Variants in AEBP2 observed in about 807,000 individuals in gnomAD.
AEBP2 encodes AE binding protein 2, also known as zinc finger protein AEBP2.
A neutral mutation model predicts 50.8 loss-of-function variants in AEBP2; 10 were observed. The observed-to-expected ratio is 0.20, with a 90% CI of 0.12 to 0.33. AEBP2 has a LOEUF of 0.33. Ranked by LOEUF, AEBP2 falls within the 10% of genes least tolerant of loss-of-function variation. The pLI, the probability that AEBP2 is intolerant of heterozygous loss-of-function variation, is 1.00. For synonymous variants in AEBP2, 296 were observed against 261.3 expected (o/e 1.13, Z -1.28); for missense variants, 570 against 688.0 (o/e 0.83, Z 1.92).
intron 1 of AEBP2, among the ~76,000 whole-genome samples, chr12:19,421,251 G>A (rs1239304989): frequency 7.1e-6 from 1 of 141,618 alleles, no homozygotes; most frequent in African/African-American, 2.6e-5. Flanking sequence ...TGCTGAGCCA[G>A]AAGAATTGCT....
chr12:19,428,144 A>C (rs568623662), intron 1 of AEBP2, among the ~76,000 whole-genome samples: 407 of 152,118 alleles, frequency 2.7e-3, no homozygotes, highest in African/African-American at 9.4e-3. Context: ...GACAGGCGGG[A>C]GGATCACCTG....
chr12:19,447,767 CTT>C (rs1948099442), intron 1 of AEBP2, among the ~76,000 whole-genome samples: 1 of 152,156 alleles, frequency 6.6e-6, no homozygotes, highest in Non-Finnish European at 1.5e-5. Flanking sequence ...GTATTGTAGT[CTT>C]GACTTTATTG....
intron 5 of AEBP2, among the ~76,000 whole-genome samples, chr12:19,502,752 G>A (rs755331274): frequency 2.0e-5 from 3 of 151,864 alleles, no homozygotes; most frequent in Admixed American, 6.6e-5. Flanking sequence ...GGGTTCAAGC[G>A]ATTCTTGTGC....
chr12:19,517,618 CA>C lies in AEBP2; in HGVS notation c.1482-468del, dbSNP rs954403870. 2.6e-5 allele frequency among the ~76,000 whole-genome samples: 4 copies of C among 152,278 alleles called. 1 individual carries two copies. The highest frequency in any genetic ancestry group is 9.6e-5 in the African/African-American group (4 of 41,562). On this transcript the variant is annotated intron_variant, in intron 7 of 7. Transcript: ENST00000266508. ...TCTGCAGGGGATTCTGGGGACCCCC[CA>C]CTCCCACTGTGCATGCCGAGAGACA...
intron 1 of AEBP2, among the ~76,000 whole-genome samples, chr12:19,421,701 G>C (rs1328147179): frequency 6.6e-6 from 1 of 152,210 alleles, no homozygotes; most frequent in Non-Finnish European, 1.5e-5. Flanking sequence ...CACATAGCAG[G>C]GGGGCCTGGA....
chr12:19,458,448 T>C (rs1041083712), intron 1 of AEBP2, among the ~76,000 whole-genome samples: 2 of 152,230 alleles, frequency 1.3e-5, no homozygotes, highest in African/African-American at 4.8e-5. Flanking sequence ...TCTGCCATTG[T>C]ATTCACAGCT....
Position 19,440,298 on chromosome 12 carries a change from C to G in AEBP2, c.599C>G (p.Ser200Cys), listed in dbSNP as rs370357606. 2 of 1,464,836 alleles carry G rather than the reference C, an allele frequency of 1.4e-6. No homozygotes were observed. Among genetic ancestry groups the G allele is most frequent in the Non-Finnish European group, 1.8e-6 (2 of 1,116,726 alleles). The allele number at this position is 1,464,836 out of a possible 1,614,324, so 90.7% of individuals were successfully genotyped here. A position where few individuals can be genotyped will look rare whatever the true frequency, so the allele number is the denominator to read the frequency against. ...GGGGGAGGCGGAAGCAGCGCGACCTCCGGGGGCCGGCGGGGCAGCTTGGAG... is the reference window on the plus strand; with the variant it reads ...GGGGGAGGCGGAAGCAGCGCGACCTGCGGGGGCCGGCGGGGCAGCTTGGAG... ...GTGGGGSSAT[S>C]GGRRGSLEMS... Residue 200 changes from serine (S) to cysteine (C), a missense_variant, in exon 1 of 8, where the codon TCC (serine) becomes TGC (cysteine). Ser to Cys is a moderately radical substitution (Grantham distance 112). Transcript: ENST00000266508.
At chr12:19,417,095 T>A (rs1226040387) in intron 1 of AEBP2, among the ~76,000 whole-genome samples, 1 of 149,984 alleles carries the variant, frequency 6.7e-6, no homozygotes, top group Non-Finnish European at 1.5e-5. Context: ...ATGGTCTCGA[T>A]CTCCTGATCT....
intron 1 of AEBP2, among the ~76,000 whole-genome samples, chr12:19,447,312 A>G (rs138862643): frequency 1.8e-4 from 28 of 152,286 alleles, no homozygotes; most frequent in African/African-American, 6.0e-4. Context: ...TGTTAGACAT[A>G]TTGTCAGCAT....
chr12:19,405,020 T>C (rs961184853), intron 1 of AEBP2, among the ~76,000 whole-genome samples: 1 of 146,582 alleles, frequency 6.8e-6, no homozygotes, highest in Non-Finnish European at 1.5e-5. Flanking sequence ...CTGCAACCTC[T>C]GCCTCCAGGG....
At chr12:19,408,538 GAA>G (rs74215633) in intron 1 of AEBP2, among the ~76,000 whole-genome samples, 9 of 113,868 alleles carry the variant, frequency 7.9e-5, no homozygotes, top group Non-Finnish European at 5.7e-5. Context: ...CACAGAGCAA[GAA>G]AAAAAAAAAA....
intron 1 of AEBP2, chr12:19,456,889 G>A: frequency 6.9e-7 from 1 of 1,459,344 alleles, no homozygotes; most frequent in Non-Finnish European, 9.6e-7. Context: ...ATCCTGGAGA[G>A]GCAGGCAAAG....
At position 19,453,905 on chromosome 12, in the gene AEBP2, T is replaced by TC. The variant is rs1250951713; in HGVS notation, c.672-8598dup. ...TCCACCTCCACGGCTCAAGTGATTC[T>TC]CCCCCCCTCGGCCTCCCAAAGTGCT... On this transcript the variant is annotated intron_variant, in intron 1 of 7. Transcript: ENST00000266508. 1.2e-4 allele frequency among the ~76,000 whole-genome samples: 17 copies of TC among 141,154 alleles called. No homozygotes were observed. The East Asian group carries it at 2.6e-3, about 21-fold the overall frequency. 92.6% of individuals were successfully genotyped at this position (141,154 alleles called of 152,430 possible).
chr12:19,423,271 T>C (rs1253501632), intron 1 of AEBP2, among the ~76,000 whole-genome samples: 1 of 151,940 alleles, frequency 6.6e-6, no homozygotes, highest in East Asian at 1.9e-4. Context: ...TTCTATTTGA[T>C]TTTATATTGT....
chr12:19,449,942 A>G (rs1008043471), intron 1 of AEBP2, among the ~76,000 whole-genome samples: 9 of 152,202 alleles, frequency 5.9e-5, no homozygotes, highest in Non-Finnish European at 1.2e-4. Flanking sequence ...ACTGGATCAT[A>G]TGGGAGCAGA....
chr12:19,478,975 G>A (rs1332486511), intron 3 of AEBP2, among the ~76,000 whole-genome samples: 3 of 152,106 alleles, frequency 2.0e-5, no homozygotes, highest in Admixed American at 6.6e-5. Context: ...TTGGGAGGCC[G>A]AAGCAGGTGG....
chr12:19,498,255 T>C (rs553207223), intron 4 of AEBP2, among the ~76,000 whole-genome samples: 43 of 152,316 alleles, frequency 2.8e-4, no homozygotes, highest in Non-Finnish European at 4.7e-4. Flanking sequence ...TAGCCACTTA[T>C]CTAACAGGAA....
In AEBP2 at chr12:19,439,926, G is replaced by T; in HGVS notation, c.227G>T (p.Gly76Val). Residue 76 changes from glycine to valine, a missense_variant, in exon 1 of 8, where the codon GGC becomes GTC. Around this residue, in one of 2 missense-constraint regions of AEBP2, gnomAD observed 386 missense variants for 336.8 expected, o/e 1.15. Coordinates refer to ENST00000266508, the MANE Select transcript of AEBP2 (RefSeq NM_153207.5). ...GGAGGCGGCGGCGGAGGAGTGGGGGGCGGCGAGGCAGAGACGATGTCGGAG... is the reference window on the plus strand; with the variant it reads ...GGAGGCGGCGGCGGAGGAGTGGGGGTCGGCGAGGCAGAGACGATGTCGGAG... ...GGGGGGGGVG[G>V]GEAETMSEPS... 4.0e-6 allele frequency: 6 copies of T among 1,509,128 alleles called. No homozygotes were observed. The highest frequency in any genetic ancestry group is 2.2e-4 in the Middle Eastern group (1 of 4,632). 93.5% of individuals were successfully genotyped at this position (1,509,128 alleles called of 1,614,324 possible).
chr12:19,420,833 A>G (rs1246487251), intron 1 of AEBP2, among the ~76,000 whole-genome samples: 1 of 151,890 alleles, frequency 6.6e-6, no homozygotes, highest in Non-Finnish European at 1.5e-5. Context: ...ACACCTGCAG[A>G]TTGTCTGCAA....
Sources: allele counts gnomAD v4.1 joint callset (sites outside exome capture counted in the v4.1 genomes callset), GRCh38; gene constraint gnomAD v4.1.1; regional missense constraint gnomAD v4.1.1; transcripts MANE v1.5; gene names NCBI Gene and HGNC (gene_info 2026-07-23, HGNC 2026-07-21).